NFX1: variants seen among roughly 807,000 people sequenced by gnomAD.
NFX1 encodes transcriptional repressor NF-X1.
Under a neutral mutation model 137.2 loss-of-function variants are expected in NFX1, and 69 were observed. The observed-to-expected ratio is 0.50, with a 90% CI of 0.41 to 0.61. The LOEUF is 0.61. Among genes scored for constraint, NFX1 ranks in the 20% least tolerant of loss-of-function variants. The pLI is 0.00. For missense variants in NFX1, 1,167 were observed against 1,391.0 expected, an observed-to-expected ratio of 0.84 and a Z score of 2.56; for synonymous variants, 495 against 474.1, an observed-to-expected ratio of 1.04 and a Z score of -0.57.
intron 2 of NFX1, 119 bp downstream of exon 2, chr9:33,295,546 C>CA: frequency 8.5e-7 from 1 of 1,179,078 alleles, no homozygotes; most frequent in Non-Finnish European, 1.2e-6. Context: ...TAAAAAGTCT[C>CA]AATCTTTATT....
chr9:33,348,963 A>G (rs1417428439), intron 15 of NFX1, among the ~76,000 whole-genome samples: 1 of 152,128 alleles, frequency 6.6e-6, no homozygotes, highest in Non-Finnish European at 1.5e-5. Flanking sequence ...CTTGACATCT[A>G]TAACAACATG....
chr9:33,301,247 T>TTTG lies in NFX1; in HGVS notation c.1034-13_1034-11dup. On this transcript the variant is annotated splice_polypyrimidine_tract_variant and intron_variant, in intron 2 of 23. Transcript: ENST00000379540. The stretch of plus-strand genomic sequence containing the variant: ...TGTTTGAGTTAATCTTTTTTGTTAT[T>TTTG]TTGTTTTTTAAACAGGTTCTCTAAT... 6.2e-7 allele frequency: 1 copy of TTTG among 1,608,472 alleles called. No individual in the cohort carries two copies. The highest frequency in any genetic ancestry group is 1.1e-5 in the South Asian group (1 of 90,080).
intron 14 of NFX1, among the ~76,000 whole-genome samples, chr9:33,346,199 C>T (rs72707417): frequency 0.016 from 2,498 of 152,316 alleles, 29 homozygotes; most frequent in Non-Finnish European, 0.026. Context: ...CCAGGCCAGT[C>T]CCCACCGATT....
chr9:33,318,712 T>A lies in NFX1; in HGVS notation c.1589-19T>A. 6.2e-7 allele frequency: 1 copy of A among 1,611,070 alleles called. No homozygotes were observed. ...CATACATGTTACTAACGTTTTGTTT[T>A]TGAAATTTTCTCTTCAAGTATGCTA... On this transcript the variant is annotated intron_variant, in intron 7 of 23. Coordinates refer to ENST00000379540, the MANE Select transcript of NFX1 (RefSeq NM_002504.6).
intron 6 of NFX1, 48 bp from the exon 7 acceptor site, chr9:33,313,606 A>G (rs1364692067): frequency 2.5e-6 from 4 of 1,596,856 alleles, no homozygotes; most frequent in Non-Finnish European, 2.6e-6. Context: ...TGGTTGTCCA[A>G]CAGGAACTTT....
intron 21 of NFX1, 133 bp from the exon 22 acceptor site, chr9:33,366,496 T>TAC: frequency 9.5e-7 from 1 of 1,053,256 alleles, no homozygotes; most frequent in East Asian, 2.5e-5. Context: ...TGGCAGTTAG[T>TAC]AAAATGCTCT....
chr9:33,306,447 G>A (rs1821755982), intron 4 of NFX1, among the ~76,000 whole-genome samples: 1 of 152,210 alleles, frequency 6.6e-6, no homozygotes, highest in East Asian at 1.9e-4. Context: ...GAGAGAAAAT[G>A]TGGATTTGGG....
At chr9:33,361,774 A>G (rs1823998799) in intron 19 of NFX1, among the ~76,000 whole-genome samples, 1 of 151,552 alleles carries the variant, frequency 6.6e-6, no homozygotes, top group Non-Finnish European at 1.5e-5. Flanking sequence ...CTGGGCGACA[A>G]GAGCAAGACT....
At chr9:33,333,593 C>T (rs980788401) in intron 11 of NFX1, among the ~76,000 whole-genome samples, 4 of 152,214 alleles carry the variant, frequency 2.6e-5, no homozygotes, top group African/African-American at 9.6e-5. Flanking sequence ...TCTCAGTACA[C>T]TGTGTCCAAT....
chr9:33,366,728 A>G lies in NFX1; in HGVS notation c.3139A>G (p.Ser1047Gly). 1 of 1,614,198 alleles carries G rather than the reference A, an allele frequency of 6.2e-7. No individual in the cohort carries two copies. The highest frequency in any genetic ancestry group is 8.5e-7 in the Non-Finnish European group (1 of 1,180,042). Residue 1047 changes from serine (S) to glycine (G), a missense_variant, in exon 22 of 24, where the codon AGC (serine) becomes GGC (glycine). By Grantham distance (56) the Ser-to-Gly change is moderately conservative. Transcript: ENST00000379540. ...CCAAGTTTATGGCCTGGAGAGCGTG[A>G]GCTATGACAGTGAACCGAAGCGCAA... The part of the protein sequence containing the change: ...LAQVYGLESV[S>G]YDSEPKRNVV...
chr9:33,331,174 T>C (rs1160060980), intron 10 of NFX1, among the ~76,000 whole-genome samples: 1 of 151,538 alleles, frequency 6.6e-6, no homozygotes, highest in Admixed American at 6.6e-5. Flanking sequence ...AAAAAAAAAA[T>C]AAAAAAAATA....
rs373836457 is a variant in NFX1 at position 33,311,097 on chromosome 9, C to G, written c.1377-9C>G. ...CTGTGGTTTATTCAGTGAAACCTTTCTCTTTCAGTCTCTGCCATCCAGGAC... is the reference window on the plus strand; with the variant it reads ...CTGTGGTTTATTCAGTGAAACCTTTGTCTTTCAGTCTCTGCCATCCAGGAC... On this transcript the variant is annotated splice_polypyrimidine_tract_variant and intron_variant, in intron 5 of 23. Coordinates refer to ENST00000379540, the MANE Select transcript of NFX1 (RefSeq NM_002504.6). The G allele has an allele frequency of 8.7e-6, 14 of 1,613,934 alleles. No individual in the cohort carries two copies. Among genetic ancestry groups the G allele is most frequent in the Non-Finnish European group, 1.2e-5 (14 of 1,179,930 alleles).
intron 9 of NFX1, among the ~76,000 whole-genome samples, chr9:33,322,743 A>T (rs1011591059): frequency 1.3e-5 from 2 of 152,230 alleles, no homozygotes; most frequent in African/African-American, 4.8e-5. Flanking sequence ...GAGACAGTTC[A>T]TAACAAAAGA....
intron 20 of NFX1, among the ~76,000 whole-genome samples, chr9:33,364,320 A>AT (rs1050744196): frequency 6.6e-6 from 1 of 152,142 alleles, no homozygotes; most frequent in Admixed American, 6.5e-5. Flanking sequence ...GGTAGGGTTG[A>AT]GATAAGAGTT....
intron 15 of NFX1, among the ~76,000 whole-genome samples, chr9:33,350,164 C>CAT (rs1823584005): frequency 6.6e-6 from 1 of 151,894 alleles, no homozygotes; most frequent in Non-Finnish European, 1.5e-5. Flanking sequence ...ATTAGCTGGG[C>CAT]ATGGTGGCAC....
chr9:33,367,401 A>T, intron 22 of NFX1, 114 bp from the exon 23 acceptor site: 1 of 974,126 alleles, frequency 1.0e-6, no homozygotes. Flanking sequence ...AGTTCATACC[A>T]GAGAGTGCTC....
At position 33,370,054 on chromosome 9, in the gene NFX1, C is replaced by T. The variant is rs777143618; in HGVS notation, c.*76C>T. 2.2e-5 allele frequency: 25 copies of T among 1,118,494 alleles called. No homozygotes were observed. The highest frequency in any genetic ancestry group is 3.8e-5 in the Admixed American group (2 of 52,072). The allele number at this position is 1,118,494 out of a possible 1,614,324, so 69.3% of individuals were successfully genotyped here. ...TATTTGCCAGCAGATAAATCATGCC[C>T]GTTCCCCTCTGCCTGGCAGAATCAC... On this transcript the variant is annotated 3_prime_UTR_variant, in exon 24 of 24. Transcript: ENST00000379540.
At chr9:33,290,650 G>A in intron 1 of NFX1, 53 bp downstream of exon 1, 1 of 1,573,858 alleles carries the variant, frequency 6.4e-7, no homozygotes. Context: ...CGGAAATTGG[G>A]TCAGTGACGA....
At chr9:33,332,060 A>G (rs759134301) in intron 10 of NFX1, among the ~76,000 whole-genome samples, 1 of 151,982 alleles carries the variant, frequency 6.6e-6, no homozygotes, top group Non-Finnish European at 1.5e-5. Context: ...TCCCTGCATT[A>G]AATGGTACAG....
Sources: gnomAD v4.1 joint callset for allele counts (sites outside exome capture counted in the v4.1 genomes callset) on GRCh38, gnomAD v4.1.1 for gene constraint, MANE v1.5 for transcripts, NCBI Gene and HGNC (gene_info 2026-07-23, HGNC 2026-07-21) for gene names.